THOP1: variants seen among roughly 807,000 people sequenced by gnomAD.
THOP1 encodes thimet oligopeptidase.
A neutral mutation model predicts 71.8 loss-of-function variants in THOP1; 49 were observed. The ratio of observed to expected loss-of-function variants is 0.68; its 90% CI spans 0.54 to 0.87. The LOEUF (loss-of-function observed/expected upper bound fraction) is 0.87, where lower values mean the gene tolerates loss of function less well. THOP1 is among the 40% of genes least tolerant of loss of function. The pLI, the probability that THOP1 is intolerant of heterozygous loss-of-function variation, is 0.00. For synonymous variants in THOP1, 426 were observed against 421.5 expected (o/e 1.01, Z -0.13); for missense variants, 843 against 975.6 (o/e 0.86, Z 1.81).
intron 12 of THOP1, chr19:2,812,183 C>T (rs1916494872): frequency 1.3e-6 from 2 of 1,492,236 alleles, no homozygotes; most frequent in Non-Finnish European, 1.8e-6. Context: ...CATTCATTTG[C>T]TCCTCCAACC....
rs758849669 is a variant in THOP1, at chr19:2,807,766, C to T, written c.1211C>T (p.Ser404Leu). 10 of 1,541,432 alleles carry T rather than the reference C, an allele frequency of 6.5e-6. No homozygotes were observed. Among genetic ancestry groups the T allele is most frequent in the African/African-American group, 4.1e-5 (3 of 73,144 alleles). The change falls in exon 8 of 13, where the codon TCG becomes TTG. Residue 404 changes from serine (S) to leucine (L), a missense_variant. Ser to Leu is a moderately radical substitution (Grantham distance 145). Coordinates refer to ENST00000307741, the MANE Select transcript of THOP1 (RefSeq NM_003249.5). ...CTCTACACCGCGAGGGACGCGGCCTCGGGGGAGGTGGTCGGCAAGTTCTAC... is the reference window on the plus strand; with the variant it reads ...CTCTACACCGCGAGGGACGCGGCCTTGGGGGAGGTGGTCGGCAAGTTCTAC... ...VRLYTARDAA[S>L]GEVVGKFYLD...
chr19:2,805,731 T>C lies in THOP1; in HGVS notation c.750+555T>C, dbSNP rs1916272218. 6.6e-6 allele frequency among the ~76,000 whole-genome samples: 1 copy of C among 152,130 alleles called. No homozygotes were observed. The highest frequency in any genetic ancestry group is 2.1e-4 in the South Asian group (1 of 4,830). On this transcript the variant is annotated intron_variant, in intron 6 of 12. Transcript: ENST00000307741. This position sits in a 1 kb window ranked among gnomAD's most constrained non-coding sequence, Gnocchi z 6.6. The stretch of plus-strand genomic sequence containing the variant: ...TCTAGGAGTGGGCCTCTTGGTCCCC[T>C]GACGACACCAAGTTGGTGCTTGTGC...
At chr19:2,802,031 G>A (rs1181552040) in intron 5 of THOP1, among the ~76,000 whole-genome samples, 2 of 143,592 alleles carry the variant, frequency 1.4e-5, no homozygotes, top group African/African-American at 2.6e-5. Flanking sequence ...TCCCGATACC[G>A]CTACCTCTCA....
At chr19:2,788,501 G>A (rs1282215973) in intron 1 of THOP1, among the ~76,000 whole-genome samples, 9 of 151,924 alleles carry the variant, frequency 5.9e-5, no homozygotes, top group South Asian at 2.1e-4. Context: ...TTTTTGAGAC[G>A]GAGTTTCACT....
rs1915974531 is a variant in THOP1 at position 2,794,849 on chromosome 19, C to G, written c.315C>G (p.Leu105=). The G allele has an allele frequency of 3.1e-6, 5 of 1,614,070 alleles. No individual in the cohort carries two copies. The highest frequency in any genetic ancestry group is 4.2e-6 in the Non-Finnish European group (5 of 1,179,978). ...CCAGCACAGAGGCCGACAAGAAGCT[C>G]TCTGAGTTCGACGTGGAGATGAGCA... ...RTASTEADKK[L]SEFDVEMSMR... is the part of the protein sequence containing the mutation. The change falls in exon 3 of 13, where the codon CTC becomes CTG. Residue 105 remains leucine (L), a synonymous_variant. Coordinates refer to ENST00000307741, the MANE Select transcript of THOP1 (RefSeq NM_003249.5).
intron 11 of THOP1, among the ~76,000 whole-genome samples, chr19:2,811,173 G>A (rs1011749278): frequency 6.6e-6 from 1 of 152,234 alleles, no homozygotes; most frequent in Non-Finnish European, 1.5e-5. Context: ...GTTCACACAC[G>A]CTTGCGAGGA....
chr19:2,812,096 CCTT>C (rs1916491451), intron 12 of THOP1: 1 of 1,350,804 alleles, frequency 7.4e-7, no homozygotes, highest in Non-Finnish European at 9.8e-7. Flanking sequence ...CCATACGAGT[CCTT>C]CCGGGATCTG....
intron 12 of THOP1, chr19:2,812,493 C>A: frequency 8.2e-7 from 1 of 1,216,408 alleles, no homozygotes. Flanking sequence ...GGGACCTCCC[C>A]CCTCCTGAGG....
chr19:2,793,789 C>T (rs1431139330), intron 2 of THOP1, among the ~76,000 whole-genome samples: 5 of 152,212 alleles, frequency 3.3e-5, no homozygotes, highest in African/African-American at 7.2e-5. Context: ...CAGCCTGTTC[C>T]AGAGCCTCAT....
chr19:2,794,010 T>C (rs1267782282), intron 2 of THOP1, among the ~76,000 whole-genome samples: 1 of 140,522 alleles, frequency 7.1e-6, no homozygotes, highest in African/African-American at 2.7e-5. Flanking sequence ...AAGCTTTTTT[T>C]TTTTTCTTTT....
Position 2,796,191 on chromosome 19 carries a change from G to A in THOP1, c.486+3G>A. On this transcript the variant is annotated splice_donor_region_variant and intron_variant, in intron 4 of 12. Transcript: ENST00000307741. ...ACCTCCCCAGAGAGACTCAGGAAGTGAGTGCTGGGTGTAGGGAGTGCTGGG... is the reference window on the plus strand; with the variant it reads ...ACCTCCCCAGAGAGACTCAGGAAGTAAGTGCTGGGTGTAGGGAGTGCTGGG... The A allele has an allele frequency of 6.2e-7, 1 of 1,610,426 alleles. No homozygotes were observed. Among genetic ancestry groups the A allele is most frequent in the Non-Finnish European group, 8.5e-7 (1 of 1,177,740 alleles).
At position 2,799,814 on chromosome 19, in the gene THOP1, C is replaced by T. The variant is rs761136095; in HGVS notation, c.589+23C>T. ...TAGGTAGGGGCCGAGCAGTGGGGCA[C>T]GGGTGGCCATCGGTCCTGGGACTCA... is the stretch of plus-strand genomic sequence containing the variant. On this transcript the variant is annotated intron_variant, in intron 5 of 12. Transcript: ENST00000307741. The T allele has an allele frequency of 1.2e-5, 20 of 1,601,170 alleles. No individual in the cohort carries two copies. The Admixed American group carries it at 1.5e-4, about 12-fold the overall frequency.
At position 2,811,739 on chromosome 19, in the gene THOP1, G is replaced by A. The variant is rs754683914; in HGVS notation, c.1908+5G>A. 6.4e-6 allele frequency: 10 copies of A among 1,574,284 alleles called. No individual in the cohort carries two copies. Among genetic ancestry groups the A allele is most frequent in the South Asian group, 1.2e-5 (1 of 86,836 alleles). On this transcript the variant is annotated splice_donor_5th_base_variant and intron_variant, in intron 12 of 12. Coordinates refer to ENST00000307741, the MANE Select transcript of THOP1 (RefSeq NM_003249.5). ...GAGGGTGTCCTGAACAGCAAGGTAC[G>A]CGGGGACTGGGGACAGGGAGGGCGT...
chr19:2,808,112 A>G, intron 8 of THOP1, 131 bp from the exon 9 acceptor site: 1 of 1,075,382 alleles, frequency 9.3e-7, no homozygotes, highest in Non-Finnish European at 1.3e-6. Context: ...ACCTCTGCTG[A>G]GAGGGAGGTT....
chr19:2,799,908 G>A, intron 5 of THOP1, 117 bp downstream of exon 5: 1 of 945,752 alleles, frequency 1.1e-6, no homozygotes, highest in Non-Finnish European at 1.6e-6. Flanking sequence ...AGGGCGGCGG[G>A]AGGCCGAAGT....
Position 2,785,603 on chromosome 19 carries a change from G to A in THOP1, c.-60G>A. On this transcript the variant is annotated 5_prime_UTR_variant, in exon 1 of 13. In the 5' UTR this introduces an upstream ATG that the reference lacks. Transcript: ENST00000307741. ...GAGGCAGGCGGCCTCAGTGGCCGAG[G>A]TGGCTGGACGCGTAGCAGGTGGAAG... The A allele has an allele frequency of 6.7e-7, 1 of 1,489,864 alleles. No homozygotes were observed. Among genetic ancestry groups the A allele is most frequent in the Non-Finnish European group, 8.9e-7 (1 of 1,120,778 alleles). 92.3% of individuals were successfully genotyped at this position (1,489,864 alleles called of 1,614,324 possible). A position where few individuals can be genotyped will look rare whatever the true frequency, so the allele number is the denominator to read the frequency against.
intron 8 of THOP1, 60 bp from the exon 9 acceptor site, chr19:2,808,183 G>A: frequency 6.6e-7 from 1 of 1,514,422 alleles, no homozygotes; most frequent in Admixed American, 2.0e-5. Context: ...GGGATGCGGA[G>A]TCAGGGACTC....
Position 2,792,782 on chromosome 19 carries a change from T to C in THOP1, c.230-1982T>C, listed in dbSNP as rs764153546. Among the ~76,000 whole-genome samples the C allele has an allele frequency of 2.9e-4, 44 of 151,846 alleles. No homozygotes were observed. In the Middle Eastern group the frequency reaches 0.01, roughly 35 times the overall value. On this transcript the variant is annotated intron_variant, in intron 2 of 12. Transcript: ENST00000307741. ...GATCCTCCTGCCTCAGCCTTCTAAG[T>C]AGCTGAGAGCACAAGTGTGTGCCAC...
intron 4 of THOP1, among the ~76,000 whole-genome samples, chr19:2,798,222 G>A (rs1022931062): frequency 6.6e-6 from 1 of 151,924 alleles, no homozygotes; most frequent in African/African-American, 2.4e-5. Flanking sequence ...ATAGAGACAG[G>A]GTTTTACCAC....
Sources: gnomAD v4.1 joint callset for allele counts (sites outside exome capture counted in the v4.1 genomes callset) on GRCh38, gnomAD v4.1.1 for gene constraint, Gnocchi (gnomAD v3.1) non-coding constraint, MANE v1.5 for transcripts, NCBI Gene and HGNC (gene_info 2026-07-23, HGNC 2026-07-21) for gene names.